Variants in SUN5 observed in about 807,000 individuals in gnomAD.
The protein encoded by SUN5 is Sad1 and UNC84 domain containing 5.
In SUN5, 44 loss-of-function variants were observed where a neutral mutation model predicts 53.7. The ratio of observed to expected loss-of-function variants is 0.82; its 90% confidence interval spans 0.64 to 1.05. The LOEUF (loss-of-function observed/expected upper bound fraction) is 1.05, where lower values mean the gene tolerates loss of function less well. Among genes scored for constraint, SUN5 ranks in the 50% least tolerant of loss-of-function variants. The pLI, the probability that SUN5 is intolerant of heterozygous loss-of-function variation, is 0.00. For synonymous variants in SUN5, 166 were observed against 179.8 expected (o/e 0.92, Z 0.62); for missense variants, 433 against 483.8 (o/e 0.90, Z 0.98).
rs111516221 is a variant in SUN5 at position 33,004,333 on chromosome 20, C to G, written c.8G>C (p.Arg3Pro). The G allele has an allele frequency of 1.7e-5, 26 of 1,563,728 alleles. No homozygotes were observed. Among genetic ancestry groups the G allele is most frequent in the Non-Finnish European group, 2.3e-5 (26 of 1,153,996 alleles). ...TGGGTCCCCAGGGCTCCTTGAGGAC[C>G]GTGGCATCGATTTCCTTCTTTAGGA... is the stretch of plus-strand genomic sequence containing the variant. MP[R>P]SSRSPGDPGA... The change falls in exon 1 of 13, where the codon CGG (arginine) becomes CCG (proline). Residue 3 changes from arginine to proline, a missense_variant. Arg to Pro is a moderately radical substitution (Grantham distance 103). Coordinates refer to ENST00000356173, the MANE Select transcript of SUN5 (RefSeq NM_080675.4).
At chr20:32,985,944 AGG>A in intron 10 of SUN5, 41 bp from the exon 11 acceptor site, 1 of 1,589,684 alleles carries the variant, frequency 6.3e-7, no homozygotes, top group African/African-American at 1.3e-5. Flanking sequence ...CTGGGTGGGT[AGG>A]GGGATCATCC....
At chr20:32,995,793 T>C in intron 7 of SUN5, 66 bp from the exon 8 acceptor site, 1 of 1,463,360 alleles carries the variant, frequency 6.8e-7, no homozygotes, top group South Asian at 1.1e-5. Flanking sequence ...CCCTCAGATT[T>C]TCCCTTTGCT....
intron 5 of SUN5, among the ~76,000 whole-genome samples, chr20:32,998,916 T>C (rs4911116): frequency 0.32 from 48,431 of 151,804 alleles, 8,749 homozygotes; most frequent in East Asian, 0.79. Context: ...ACGCTTATAG[T>C]CCTAGCTACT....
chr20:32,997,662 T>C lies in SUN5; in HGVS notation c.366A>G (p.Leu122=). The C allele has an allele frequency of 1.9e-6, 3 of 1,614,014 alleles. No individual in the cohort carries two copies. In the South Asian group the frequency reaches 3.3e-5, roughly 18 times the overall value. Residue 122 remains leucine, a synonymous_variant, in exon 6 of 13, where the codon TTA becomes TTG. Transcript: ENST00000356173. ...CCTGCCAGACTTTCATTTTCGATGGTAAGTGAATAGAAAACATCCAGAATC... is the reference window on the plus strand; with the variant it reads ...CCTGCCAGACTTTCATTTTCGATGGCAAGTGAATAGAAAACATCCAGAATC... ...AFGFWMFSIH[L]PSKMKVWQDD... is the part of the protein sequence containing the mutation.
In SUN5 at chr20:32,987,682, T is replaced by G; in HGVS notation, c.707A>C (p.Gln236Pro). ...WNWIQLWNYA[Q>P]PPDVILEPNV... ...TGCCTCAAGGATCACGTCTGGGGGC[T>G]GTGCGTAGTTCCACAGCTGGATCCA... The change falls in exon 10 of 13, where the codon CAG becomes CCG. Residue 236 changes from glutamine (Q) to proline (P), a missense_variant. By Grantham distance (76) the Gln-to-Pro change is moderately conservative. Coordinates refer to ENST00000356173, the MANE Select transcript of SUN5 (RefSeq NM_080675.4). 6.2e-7 allele frequency: 1 copy of G among 1,612,104 alleles called. No individual in the cohort carries two copies. Among genetic ancestry groups the G allele is most frequent in the South Asian group, 1.1e-5 (1 of 90,316 alleles).
Position 33,002,844 on chromosome 20 carries a change from C to G in SUN5, c.136+17G>C, listed in dbSNP as rs1990088844. ...TCAGCTGCCCATGAAAATACCAGGGCACCTGTCCTTGCTCACTCATGTTTG... is the reference window on the plus strand; with the variant it reads ...TCAGCTGCCCATGAAAATACCAGGGGACCTGTCCTTGCTCACTCATGTTTG... On this transcript the variant is annotated intron_variant, in intron 2 of 12. Transcript: ENST00000356173. 5 of 1,613,954 alleles carry G rather than the reference C, an allele frequency of 3.1e-6. No individual in the cohort carries two copies. Among genetic ancestry groups the G allele is most frequent in the Non-Finnish European group, 4.2e-6 (5 of 1,180,022 alleles).
chr20:32,995,717 C>T lies in SUN5; in HGVS notation c.436G>A (p.Glu146Lys). Residue 146 changes from glutamate to lysine, a missense_variant, in exon 8 of 13, where the codon GAG becomes AAG. Coordinates refer to ENST00000356173, the MANE Select transcript of SUN5 (RefSeq NM_080675.4). ...TCCCCACTGTGATGTCGCACCTTCTCCTGGTACAACCTTATCAGGAAGGAG... is the reference window on the plus strand; with the variant it reads ...TCCCCACTGTGATGTCGCACCTTCTTCTGGTACAACCTTATCAGGAAGGAG... Reference protein sequence around the residue: ...GPLQSLRLYQEKVRHHSGEIQ... With the variant: ...GPLQSLRLYQKKVRHHSGEIQ... The T allele has an allele frequency of 3.1e-6, 5 of 1,614,026 alleles. No homozygotes were observed. The highest frequency in any genetic ancestry group is 2.2e-5 in the East Asian group (1 of 44,872).
At chr20:32,990,381 A>T (rs1442158769) in intron 8 of SUN5, among the ~76,000 whole-genome samples, 1 of 152,140 alleles carries the variant, frequency 6.6e-6, no homozygotes, top group African/African-American at 2.4e-5. Context: ...TAGACTCTTC[A>T]CAGTGGTGGA....
At chr20:32,996,653 T>C (rs555508582) in intron 6 of SUN5, among the ~76,000 whole-genome samples, 1 of 135,906 alleles carries the variant, frequency 7.4e-6, no homozygotes, top group South Asian at 2.7e-4. Context: ...CCCATCTATT[T>C]ACACTCCAAT....
rs754351766 is a variant in SUN5, at chr20:32,987,655, C to T, written c.729+5G>A. On this transcript the variant is annotated splice_donor_5th_base_variant and intron_variant, in intron 10 of 12. Coordinates refer to ENST00000356173, the MANE Select transcript of SUN5 (RefSeq NM_080675.4). ...CGCTGTCCCATCTCCCGCCATCCCC[C>T]CTGCCTCAAGGATCACGTCTGGGGG... The T allele has an allele frequency of 1.9e-6, 3 of 1,598,666 alleles. No homozygotes were observed. In the African/African-American group the frequency reaches 4.0e-5, roughly 21 times the overall value.
intron 4 of SUN5, among the ~76,000 whole-genome samples, chr20:33,000,445 T>A (rs754539226): frequency 1.3e-5 from 2 of 152,184 alleles, no homozygotes; most frequent in Non-Finnish European, 2.9e-5. Context: ...AAATTTAAAC[T>A]TCAAATGAAT....
chr20:32,991,690 G>T (rs993237949), intron 8 of SUN5, among the ~76,000 whole-genome samples: 3 of 152,216 alleles, frequency 2.0e-5, no homozygotes, highest in Non-Finnish European at 4.4e-5. Context: ...AGGGGCACTG[G>T]AGACCTAGGA....
At chr20:32,998,237 C>T (rs532270477) in intron 5 of SUN5, among the ~76,000 whole-genome samples, 1 of 150,940 alleles carries the variant, frequency 6.6e-6, no homozygotes, top group East Asian at 2.0e-4. Flanking sequence ...GTCTATAGTC[C>T]CAGCTACCCG....
intron 8 of SUN5, among the ~76,000 whole-genome samples, chr20:32,993,440 G>T (rs116811794): frequency 1.3e-5 from 2 of 152,194 alleles, no homozygotes; most frequent in South Asian, 4.1e-4. Context: ...TGCTGCTACT[G>T]GTGAAAGAGA....
At chr20:32,997,733 G>T in intron 5 of SUN5, 46 bp from the exon 6 acceptor site, 5 of 1,609,122 alleles carry the variant, frequency 3.1e-6, no homozygotes, top group Non-Finnish European at 4.2e-6. Context: ...CATGCAAGAT[G>T]AAGAGCCTAG....
chr20:33,000,217 T>C, intron 4 of SUN5, 82 bp from the exon 5 acceptor site: 10 of 1,475,292 alleles, frequency 6.8e-6, no homozygotes, highest in South Asian at 1.4e-5. Flanking sequence ...ACTCTCTTTC[T>C]CCGTAGGCAT....
chr20:33,001,854 G>A (rs141254813), intron 3 of SUN5, among the ~76,000 whole-genome samples: 59 of 152,046 alleles, frequency 3.9e-4, no homozygotes, highest in African/African-American at 1.3e-3. Flanking sequence ...GGGTTTCACT[G>A]TATTGGCCAG....
intron 5 of SUN5, 126 bp from the exon 6 acceptor site, chr20:32,997,813 G>T (rs549621010): frequency 2.9e-5 from 26 of 897,152 alleles, no homozygotes; most frequent in Non-Finnish European, 4.3e-5. Flanking sequence ...AACACTGGGG[G>T]AATTACTTAA....
Position 32,987,775 on chromosome 20 carries a change from C to T in SUN5, c.614G>A (p.Gly205Glu). Residue 205 changes from glycine to glutamate, a missense_variant and splice_region_variant, in exon 10 of 13, where the codon GGG (glycine) becomes GAG (glutamate). Coordinates refer to ENST00000356173, the MANE Select transcript of SUN5 (RefSeq NM_080675.4). ...CGTGTGCTCAAAGTCAATGCTGGCC[C>T]CTGTATAGGAGAAGGGGGTCTCAGC... is the stretch of plus-strand genomic sequence containing the variant. Reference protein sequence around the residue: ...EKPDFALKSIGASIDFEHTSV... With the variant: ...EKPDFALKSIEASIDFEHTSV... 1 of 1,610,780 alleles carries T rather than the reference C, an allele frequency of 6.2e-7. No individual in the cohort carries two copies. Among genetic ancestry groups the T allele is most frequent in the South Asian group, 1.1e-5 (1 of 89,990 alleles).
Sources: allele counts gnomAD v4.1 joint callset (sites outside exome capture counted in the v4.1 genomes callset), GRCh38; gene constraint gnomAD v4.1.1; transcripts MANE v1.5; gene names NCBI Gene and HGNC (gene_info 2026-07-23, HGNC 2026-07-21).